RSRC1: variants seen among roughly 807,000 people sequenced by gnomAD.
RSRC1 encodes serine/Arginine-related protein 53.
Under a neutral mutation model 49.1 loss-of-function variants are expected in RSRC1, and 39 were observed. That is an observed-to-expected ratio of 0.79 (90% confidence interval 0.61 to 1.04). RSRC1 has a LOEUF of 1.04. RSRC1 is among the 50% of genes least tolerant of loss of function. The pLI is 0.00. For synonymous variants in RSRC1, 143 were observed against 130.8 expected, an observed-to-expected ratio of 1.09 and a Z score of -0.63; for missense variants, 388 against 402.4, an observed-to-expected ratio of 0.96 and a Z score of 0.31.
intron 5 of RSRC1, among the ~76,000 whole-genome samples, chr3:158,344,985 G>A (rs907018719): frequency 2.6e-5 from 4 of 152,082 alleles, no homozygotes; most frequent in African/African-American, 9.7e-5. Flanking sequence ...TTGGGAGGCC[G>A]AGGCTGGCGG....
chr3:158,526,091 T>C (rs1712005878), intron 7 of RSRC1, among the ~76,000 whole-genome samples: 1 of 152,006 alleles, frequency 6.6e-6, no homozygotes, highest in African/African-American at 2.4e-5. Flanking sequence ...GTGGTTTCTT[T>C]AAACCTTATG....
intron 1 of RSRC1, among the ~76,000 whole-genome samples, chr3:158,118,468 T>TGC (rs976438017): frequency 3.5e-5 from 5 of 143,688 alleles, no homozygotes; most frequent in East Asian, 4.3e-4. Flanking sequence ...TGTGTGCGCG[T>TGC]GCGCGTGGTT....
chr3:158,154,976 A>G lies in RSRC1; in HGVS notation c.320+30985A>G, dbSNP rs1379786746. 2.0e-5 allele frequency among the ~76,000 whole-genome samples: 3 copies of G among 152,204 alleles called. No individual in the cohort carries two copies. In the East Asian group the frequency reaches 5.8e-4, roughly 29 times the overall value. ...TTTGATCATGAAATTGAATCCATTCAGTCACATCTTCAGGCTCCACTTCTA... is the reference window on the plus strand; with the variant it reads ...TTTGATCATGAAATTGAATCCATTCGGTCACATCTTCAGGCTCCACTTCTA... On this transcript the variant is annotated intron_variant, in intron 3 of 9. Coordinates refer to ENST00000611884, the MANE Select transcript of RSRC1 (RefSeq NM_001271838.2).
intron 3 of RSRC1, among the ~76,000 whole-genome samples, chr3:158,185,825 A>G (rs76375683): frequency 2.2e-4 from 34 of 152,148 alleles, no homozygotes; most frequent in African/African-American, 7.5e-4. Context: ...TGTCCAGAAC[A>G]TACAATCCAG....
chr3:158,376,703 T>G (rs1282441469), intron 6 of RSRC1, among the ~76,000 whole-genome samples: 1 of 152,200 alleles, frequency 6.6e-6, no homozygotes, highest in African/African-American at 2.4e-5. Flanking sequence ...TTTTGAAAGT[T>G]ATTTCTTCCA....
intron 4 of RSRC1, among the ~76,000 whole-genome samples, chr3:158,269,914 A>G (rs1422489301): frequency 6.6e-6 from 1 of 152,148 alleles, no homozygotes; most frequent in Non-Finnish European, 1.5e-5. Context: ...CTTGGCTTCT[A>G]ATGTAATTTA....
intron 4 of RSRC1, among the ~76,000 whole-genome samples, chr3:158,222,473 A>T (rs1324583436): frequency 4.6e-5 from 7 of 151,514 alleles, no homozygotes; most frequent in African/African-American, 1.7e-4. Context: ...TTCCCCCAGT[A>T]TTTACATATT....
intron 3 of RSRC1, among the ~76,000 whole-genome samples, chr3:158,196,533 C>G (rs1247556767): frequency 1.3e-5 from 2 of 152,118 alleles, no homozygotes; most frequent in Non-Finnish European, 2.9e-5. Context: ...ACTTCTAACA[C>G]TATGTTGAAT....
chr3:158,270,902 A>G (rs1471520000), intron 4 of RSRC1, among the ~76,000 whole-genome samples: 1 of 152,132 alleles, frequency 6.6e-6, no homozygotes, highest in East Asian at 1.9e-4. Flanking sequence ...TTATTTTAAG[A>G]ATAGGGATAA....
chr3:158,113,406 G>C (rs201117691), intron 1 of RSRC1, among the ~76,000 whole-genome samples: 1 of 140,644 alleles, frequency 7.1e-6, no homozygotes, highest in Admixed American at 7.4e-5. Context: ...GTCTCACTCT[G>C]TCACCAGGCT....
At chr3:158,299,980 A>G (rs868271008) in intron 5 of RSRC1, among the ~76,000 whole-genome samples, 26 of 152,372 alleles carry the variant, frequency 1.7e-4, no homozygotes, top group Middle Eastern at 6.8e-3. Context: ...ATCTGAAGAA[A>G]GAGTACTCTG....
chr3:158,176,362 G>C (rs1392661577), intron 3 of RSRC1, among the ~76,000 whole-genome samples: 1 of 152,140 alleles, frequency 6.6e-6, no homozygotes, highest in Non-Finnish European at 1.5e-5. Context: ...TAAGCAAAAA[G>C]AATAAAGCTG....
intron 4 of RSRC1, among the ~76,000 whole-genome samples, chr3:158,229,289 C>CGTATATGTGTATGTATATATATAAACCT (rs1553771830): frequency 7.2e-5 from 3 of 41,858 alleles, no homozygotes; most frequent in African/African-American, 1.2e-4. Flanking sequence ...TAAACATACA[C>CGTATATGTGTATGTATATATATAAACCT]ACACGTATAT....
intron 1 of RSRC1, among the ~76,000 whole-genome samples, chr3:158,118,347 C>T (rs779411102): frequency 5.3e-5 from 8 of 151,696 alleles, no homozygotes; most frequent in Non-Finnish European, 1.2e-4. Flanking sequence ...GATCCTCCCA[C>T]CTCAGCTTCC....
intron 6 of RSRC1, among the ~76,000 whole-genome samples, chr3:158,366,615 G>C (rs984581981): frequency 2.6e-5 from 4 of 151,718 alleles, no homozygotes; most frequent in African/African-American, 9.7e-5. Context: ...GCTTAGGATT[G>C]TCTTGGCTAT....
At chr3:158,483,745 T>C (rs1193008502) in intron 7 of RSRC1, among the ~76,000 whole-genome samples, 1 of 152,156 alleles carries the variant, frequency 6.6e-6, no homozygotes, top group Non-Finnish European at 1.5e-5. Context: ...ATTAATTTTA[T>C]TCTCAAGAAT....
chr3:158,244,094 T>C (rs1723750144), intron 4 of RSRC1, among the ~76,000 whole-genome samples: 1 of 152,054 alleles, frequency 6.6e-6, no homozygotes, highest in South Asian at 2.1e-4. Context: ...AGTTCCTCTC[T>C]ATCTATTTGA....
intron 4 of RSRC1, among the ~76,000 whole-genome samples, chr3:158,290,766 T>C (rs887722528): frequency 2.0e-5 from 3 of 152,214 alleles, no homozygotes; most frequent in African/African-American, 7.2e-5. Context: ...CCAACTCCTG[T>C]AGATTTTGCT....
At chr3:158,194,054 TAC>T (rs10530687) in intron 3 of RSRC1, among the ~76,000 whole-genome samples, 5,881 of 143,952 alleles carry the variant, frequency 0.041, 126 homozygotes, top group Non-Finnish European at 0.051. Context: ...ACCCCGTCTA[TAC>T]ACACACACAC....
Sources: gnomAD v4.1 joint callset for allele counts (sites outside exome capture counted in the v4.1 genomes callset) on GRCh38, gnomAD v4.1.1 for gene constraint, MANE v1.5 for transcripts, NCBI Gene and HGNC (gene_info 2026-07-23, HGNC 2026-07-21) for gene names.